AOAH: variants seen among roughly 807,000 people sequenced by gnomAD.
AOAH encodes acyloxyacyl hydrolase.
A neutral mutation model predicts 92.2 loss-of-function variants in AOAH; 64 were observed. The observed-to-expected ratio is 0.69, with a 90% CI of 0.57 to 0.86. The LOEUF is 0.86. Ranked by LOEUF, AOAH falls within the 40% of genes least tolerant of loss-of-function variation. The probability of loss-of-function intolerance (pLI) is 0.00; values close to 1 mark genes in which losing one functional copy is unlikely to be tolerated. For missense variants in AOAH, 656 were observed against 694.6 expected, an observed-to-expected ratio of 0.94 and a Z score of 0.62; for synonymous variants, 263 against 254.5, an observed-to-expected ratio of 1.03 and a Z score of -0.32.
chr7:36,616,058 C>T (rs1030806794), intron 11 of AOAH, among the ~76,000 whole-genome samples: 40 of 152,266 alleles, frequency 2.6e-4, no homozygotes, highest in East Asian at 2.1e-3. Flanking sequence ...GCTGGACAGG[C>T]CCCGGAGTGC....
intron 13 of AOAH, among the ~76,000 whole-genome samples, chr7:36,552,309 C>T (rs1237130013): frequency 1.3e-5 from 2 of 152,170 alleles, no homozygotes; most frequent in Non-Finnish European, 2.9e-5. Context: ...CCAGCTCCAC[C>T]CATGTCCCTG....
At chr7:36,620,913 A>G (rs1792232955) in intron 8 of AOAH, 84 bp from the exon 9 acceptor site, 1 of 1,246,892 alleles carries the variant, frequency 8.0e-7, no homozygotes, top group Admixed American at 1.8e-5. Flanking sequence ...GAATGAATGA[A>G]TGAATGAATG....
intron 4 of AOAH, among the ~76,000 whole-genome samples, chr7:36,650,845 G>C (rs781300404): frequency 2.0e-5 from 3 of 152,202 alleles, no homozygotes; most frequent in Admixed American, 2.0e-4. Flanking sequence ...AGAAAGACAC[G>C]GTCCTTGTGT....
chr7:36,686,910 C>A, intron 1 of AOAH, 116 bp from the exon 2 acceptor site: 2 of 516,442 alleles, frequency 3.9e-6, no homozygotes, highest in Non-Finnish European at 3.2e-6. Context: ...TTAAGAAGGC[C>A]AACCTTTCCA....
chr7:36,532,048 C>T (rs1784725408), intron 18 of AOAH, 99 bp downstream of exon 18: 3 of 1,412,742 alleles, frequency 2.1e-6, no homozygotes, highest in South Asian at 2.3e-5. Context: ...AGCTTGGAGA[C>T]CATCTGCCTG....
At chr7:36,667,475 C>T (rs1166482136) in intron 3 of AOAH, among the ~76,000 whole-genome samples, 1 of 152,146 alleles carries the variant, frequency 6.6e-6, no homozygotes, top group Non-Finnish European at 1.5e-5. Flanking sequence ...TAAACTTTGT[C>T]ATAGATATGG....
chr7:36,651,172 T>A (rs1483002422), intron 4 of AOAH, among the ~76,000 whole-genome samples: 2 of 152,236 alleles, frequency 1.3e-5, no homozygotes. Context: ...ACAGCACTTC[T>A]CTCTTCCTCA....
intron 3 of AOAH, among the ~76,000 whole-genome samples, chr7:36,663,607 C>T (rs550837676): frequency 5.9e-5 from 9 of 152,264 alleles, no homozygotes; most frequent in African/African-American, 1.9e-4. Context: ...CTTAGTAACA[C>T]GCATTTAAGT....
At chr7:36,519,808 G>A (rs1186664106) in intron 20 of AOAH, among the ~76,000 whole-genome samples, 1 of 152,166 alleles carries the variant, frequency 6.6e-6, no homozygotes, top group Non-Finnish European at 1.5e-5. Flanking sequence ...ACAGTTGGAG[G>A]CATTTACTGC....
At chr7:36,676,768 T>C (rs576973791) in intron 2 of AOAH, among the ~76,000 whole-genome samples, 3 of 152,276 alleles carry the variant, frequency 2.0e-5, no homozygotes, top group African/African-American at 7.2e-5. Flanking sequence ...TATGGATCAA[T>C]GAAATAGAAT....
intron 3 of AOAH, among the ~76,000 whole-genome samples, chr7:36,671,115 A>G (rs540605389): frequency 6.4e-4 from 97 of 152,304 alleles, no homozygotes; most frequent in African/African-American, 2.2e-3. Context: ...GTGTATAAAT[A>G]GATTCATCAA....
intron 13 of AOAH, among the ~76,000 whole-genome samples, chr7:36,562,775 C>T (rs1266033943): frequency 2.0e-5 from 3 of 152,076 alleles, no homozygotes; most frequent in Admixed American, 6.6e-5. Flanking sequence ...GCCAGAAAGT[C>T]GGGGCTTTAG....
At chr7:36,620,413 A>G (rs1792196141) in intron 9 of AOAH, among the ~76,000 whole-genome samples, 1 of 152,224 alleles carries the variant, frequency 6.6e-6, no homozygotes, top group Admixed American at 6.5e-5. Context: ...ACAGAAAAAA[A>G]AAAATGGCTG....
intron 12 of AOAH, among the ~76,000 whole-genome samples, chr7:36,588,751 G>A (rs886325102): frequency 6.6e-6 from 1 of 152,086 alleles, no homozygotes; most frequent in Non-Finnish European, 1.5e-5. Flanking sequence ...AACCTTTAAC[G>A]CTTCTATTCT....
chr7:36,514,850 G>A (rs929877435), intron 20 of AOAH, among the ~76,000 whole-genome samples: 1 of 152,038 alleles, frequency 6.6e-6, no homozygotes, highest in Non-Finnish European at 1.5e-5. Context: ...TGGACATTGA[G>A]TGGGCGACAG....
intron 9 of AOAH, 89 bp from the exon 10 acceptor site, chr7:36,618,434 CA>C (rs1792047776): frequency 1.7e-6 from 2 of 1,202,600 alleles, no homozygotes; most frequent in South Asian, 2.5e-5. Flanking sequence ...TTTAAAAGCA[CA>C]AAGGCAAATG....
intron 1 of AOAH, among the ~76,000 whole-genome samples, chr7:36,691,710 A>G (rs983446439): frequency 1.2e-4 from 18 of 152,202 alleles, no homozygotes; most frequent in African/African-American, 3.9e-4. Flanking sequence ...GGAAACAGCC[A>G]CATAGTTTTT....
At chr7:36,531,488 A>G (rs1228714199) in intron 18 of AOAH, among the ~76,000 whole-genome samples, 4 of 152,064 alleles carry the variant, frequency 2.6e-5, no homozygotes, top group South Asian at 4.2e-4. Context: ...CTGGGACTAC[A>G]GGTGCCCACC....
chr7:36,573,717 CAAAAAAAT>C (rs1299693957), intron 13 of AOAH, among the ~76,000 whole-genome samples: 1 of 150,938 alleles, frequency 6.6e-6, no homozygotes, highest in Non-Finnish European at 1.5e-5. Flanking sequence ...GACTCTGTCT[CAAAAAAAT>C]AAAAAAATGC....
Sources: gnomAD v4.1 joint callset for allele counts (sites outside exome capture counted in the v4.1 genomes callset) on GRCh38, gnomAD v4.1.1 for gene constraint, MANE v1.5 for transcripts, NCBI Gene and HGNC (gene_info 2026-07-23, HGNC 2026-07-21) for gene names.